GPD1L: variants seen among roughly 807,000 people sequenced by gnomAD.
GPD1L encodes glycerol-3-phosphate dehydrogenase 1 like.
A neutral mutation model predicts 32.9 loss-of-function variants in GPD1L; 17 were observed. That is an observed-to-expected ratio of 0.52 (90% CI 0.35 to 0.78). The LOEUF (loss-of-function observed/expected upper bound fraction) is 0.78, where lower values mean the gene tolerates loss of function less well. GPD1L is among the 30% of genes least tolerant of loss of function. The pLI is 0.01. For synonymous variants in GPD1L, 187 were observed against 165.9 expected, an observed-to-expected ratio of 1.13 and a Z score of -0.98; for missense variants, 361 against 447.8, an observed-to-expected ratio of 0.81 and a Z score of 1.75.
Position 32,114,426 on chromosome 3 carries a change from T to C in GPD1L, c.47+7668T>C, listed in dbSNP as rs1267730258. ...TCATAGTTTCCTAAATCTGTGGCTT[T>C]AAATTTTTTGACTTGCAACTAGCTG... On this transcript the variant is annotated intron_variant, in intron 1 of 7. Coordinates refer to ENST00000282541, the MANE Select transcript of GPD1L (RefSeq NM_015141.4). Among the ~76,000 whole-genome samples the C allele has an allele frequency of 1.3e-5, 2 of 152,244 alleles. 1 individual carries two copies. Among genetic ancestry groups the C allele is most frequent in the Non-Finnish European group, 2.9e-5 (2 of 68,034 alleles).
intron 2 of GPD1L, 28 bp downstream of exon 2, chr3:32,128,281 G>A (rs1220561951): frequency 6.3e-7 from 1 of 1,577,516 alleles, no homozygotes. Context: ...AATGTACATT[G>A]GTTCATTCTG....
intron 5 of GPD1L, among the ~76,000 whole-genome samples, chr3:32,153,693 A>C (rs1274378896): frequency 6.6e-6 from 1 of 152,208 alleles, no homozygotes; most frequent in African/African-American, 2.4e-5. Flanking sequence ...ACTGAGAGAA[A>C]ACAGTGAGTA....
At chr3:32,151,617 CTA>C (rs1700920948) in intron 5 of GPD1L, among the ~76,000 whole-genome samples, 1 of 152,104 alleles carries the variant, frequency 6.6e-6, no homozygotes, top group Non-Finnish European at 1.5e-5. Flanking sequence ...GTAACTGGGA[CTA>C]TAGGTGCTTG....
chr3:32,163,395 C>T (rs191224314), intron 7 of GPD1L, among the ~76,000 whole-genome samples: 1,715 of 152,072 alleles, frequency 0.011, 14 homozygotes, highest in Non-Finnish European at 0.017. Flanking sequence ...GTCTCGATCT[C>T]CTGACCTCGT....
At position 32,166,297 on chromosome 3, in the gene GPD1L, T is replaced by C; in HGVS notation, c.*387T>C. The C allele has an allele frequency of 3.3e-6, 1 of 302,186 alleles. No individual in the cohort carries two copies. The highest frequency in any genetic ancestry group is 1.2e-3 in the Middle Eastern group (1 of 862). 18.7% of individuals were successfully genotyped at this position (302,186 alleles called of 1,614,324 possible). On this transcript the variant is annotated 3_prime_UTR_variant, in exon 8 of 8. Coordinates refer to ENST00000282541, the MANE Select transcript of GPD1L (RefSeq NM_015141.4). ...AGTGGAGGATTTTTTTTCTCATTTT[T>C]CTAGTGTTAAATTTTAACCAGCATT...
intron 1 of GPD1L, among the ~76,000 whole-genome samples, chr3:32,122,655 T>A (rs1300955153): frequency 6.6e-6 from 1 of 152,148 alleles, no homozygotes; most frequent in African/African-American, 2.4e-5. Context: ...TTTTTGACCT[T>A]TGCTCCGGGG....
At chr3:32,141,224 T>A (rs955383338) in intron 4 of GPD1L, among the ~76,000 whole-genome samples, 3 of 152,212 alleles carry the variant, frequency 2.0e-5, no homozygotes, top group African/African-American at 7.2e-5. Context: ...TAGCTCCAGA[T>A]TCTTATACCT....
At chr3:32,136,199 C>T (rs912765184) in intron 2 of GPD1L, among the ~76,000 whole-genome samples, 4 of 152,238 alleles carry the variant, frequency 2.6e-5, no homozygotes, top group Non-Finnish European at 5.9e-5. Context: ...ATGGTAGCCC[C>T]GTGGCGTAGG....
chr3:32,135,270 G>A (rs1700647427), intron 2 of GPD1L, among the ~76,000 whole-genome samples: 1 of 152,186 alleles, frequency 6.6e-6, no homozygotes, highest in Non-Finnish European at 1.5e-5. Context: ...GGAGTAGGGT[G>A]CATAAATGCC....
chr3:32,122,737 G>C (rs994310325), intron 1 of GPD1L, among the ~76,000 whole-genome samples: 1 of 152,170 alleles, frequency 6.6e-6, no homozygotes, highest in Non-Finnish European at 1.5e-5. Flanking sequence ...ATACCTGGTC[G>C]TAGGATGCAA....
chr3:32,132,728 A>T (rs1392668266), intron 2 of GPD1L, among the ~76,000 whole-genome samples: 1 of 152,194 alleles, frequency 6.6e-6, no homozygotes, highest in Non-Finnish European at 1.5e-5. Flanking sequence ...ATTTCTCACA[A>T]GTTCCCAGGT....
intron 4 of GPD1L, among the ~76,000 whole-genome samples, chr3:32,144,076 G>T (rs1700787048): frequency 6.6e-6 from 1 of 152,182 alleles, no homozygotes; most frequent in South Asian, 2.1e-4. Context: ...GAGGTGATTG[G>T]TGAGGTTTGA....
At chr3:32,134,308 A>G (rs1700628692) in intron 2 of GPD1L, among the ~76,000 whole-genome samples, 1 of 152,222 alleles carries the variant, frequency 6.6e-6, no homozygotes, top group Admixed American at 6.5e-5. Context: ...TACAGCTCAC[A>G]TTGTACACGT....
At chr3:32,122,658 C>T (rs557564013) in intron 1 of GPD1L, among the ~76,000 whole-genome samples, 60 of 152,274 alleles carry the variant, frequency 3.9e-4, no homozygotes, top group Non-Finnish European at 6.9e-4. Context: ...TTGACCTTTG[C>T]TCCGGGGGCC....
rs189335722 is a variant in GPD1L, at chr3:32,166,548, G to C, written c.*638G>C. ...TCGTTAGTTGTCAGAATATGCCTTC[G>C]TCAAGGCTCAGAGGTAACAAGACAG... On this transcript the variant is annotated 3_prime_UTR_variant, in exon 8 of 8. Coordinates refer to ENST00000282541, the MANE Select transcript of GPD1L (RefSeq NM_015141.4). 6.5e-6 allele frequency: 1 copy of C among 153,936 alleles called. No homozygotes were observed. Among genetic ancestry groups the C allele is most frequent in the African/African-American group, 2.4e-5 (1 of 41,414 alleles). 9.5% of individuals were successfully genotyped at this position (153,936 alleles called of 1,614,324 possible).
intron 5 of GPD1L, among the ~76,000 whole-genome samples, chr3:32,155,893 G>T (rs1700981725): frequency 1.3e-5 from 2 of 152,180 alleles, no homozygotes; most frequent in African/African-American, 4.8e-5. Context: ...AGGCTCTCTG[G>T]ATGTCAGTGC....
chr3:32,121,751 CT>C lies in GPD1L; in HGVS notation c.48-6324del, dbSNP rs1310207996. Among the ~76,000 whole-genome samples, 2,925 of 133,262 alleles carry C rather than the reference CT, an allele frequency of 0.022. 243 individuals are homozygous for C. In the East Asian group the frequency reaches 0.22, roughly 10 times the overall value. 87.4% of individuals were successfully genotyped at this position (133,262 alleles called of 152,430 possible). ...TATATATATTTCTATATATATATTT[CT>C]ATATATATATATTTCTATATATATA... On this transcript the variant is annotated intron_variant, in intron 1 of 7. Coordinates refer to ENST00000282541, the MANE Select transcript of GPD1L (RefSeq NM_015141.4).
rs765893811 is a variant in GPD1L at position 32,158,896 on chromosome 3, T to G, written c.639T>G (p.Ala213=). The G allele has an allele frequency of 1.2e-6, 2 of 1,613,918 alleles. No homozygotes were observed. Among genetic ancestry groups the G allele is most frequent in the African/African-American group, 2.7e-5 (2 of 74,924 alleles). The change falls in exon 6 of 8, where the codon GCT becomes GCG. Residue 213 remains alanine (A), a synonymous_variant. Transcript: ENST00000282541. ...GALKNIVAVG[A]GFCDGLRCGD... The stretch of plus-strand genomic sequence containing the variant: ...TGCAGAACATCGTAGCTGTGGGAGC[T>G]GGGTTCTGCGACGGCCTCCGCTGTG...
At chr3:32,163,835 C>T (rs1180177117) in intron 7 of GPD1L, among the ~76,000 whole-genome samples, 1 of 152,162 alleles carries the variant, frequency 6.6e-6, no homozygotes, top group Non-Finnish European at 1.5e-5. Context: ...CTTTCAGCTG[C>T]AAGACCAACA....
Sources: allele counts gnomAD v4.1 joint callset (sites outside exome capture counted in the v4.1 genomes callset), GRCh38; gene constraint gnomAD v4.1.1; transcripts MANE v1.5; gene names NCBI Gene and HGNC (gene_info 2026-07-23, HGNC 2026-07-21).